Variants in ATP10B observed in about 807,000 individuals in gnomAD.
ATP10B encodes the protein phospholipid-transporting ATPase VB.
ATP10B carries 122 observed loss-of-function variants against 141.2 expected under a neutral mutation model. The observed-to-expected ratio is 0.86, with a 90% CI of 0.75 to 1.00. The LOEUF is 1.00. Among genes scored for constraint, ATP10B ranks in the 50% least tolerant of loss-of-function variants. ATP10B has a pLI of 0.00. For synonymous variants in ATP10B, 685 were observed against 692.0 expected (o/e 0.99, Z 0.16); for missense variants, 1,876 against 1,825.3 (o/e 1.03, Z -0.51).
the ATP10B span, among the ~76,000 whole-genome samples, chr5:160,871,387 A>G: frequency 2.0e-5 from 3 of 152,002 alleles, no homozygotes; most frequent in Non-Finnish European, 4.4e-5. Flanking sequence ...ATTTTTCCAT[A>G]GGTTATTGCC....
chr5:160,648,002 G>A (rs1467975301), intron 8 of ATP10B, among the ~76,000 whole-genome samples: 1 of 152,166 alleles, frequency 6.6e-6, no homozygotes, highest in South Asian at 2.1e-4. Flanking sequence ...GTGTAACATG[G>A]CTGAGCTCCG....
At chr5:160,783,421 T>G (rs1178323892) in intron 2 of ATP10B, among the ~76,000 whole-genome samples, 4 of 131,310 alleles carry the variant, frequency 3.0e-5, no homozygotes, top group African/African-American at 1.1e-4. Flanking sequence ...TCCATGGATA[T>G]ATCCATGGAT....
At chr5:160,613,569 A>G (rs1757843130) in intron 17 of ATP10B, among the ~76,000 whole-genome samples, 1 of 152,200 alleles carries the variant, frequency 6.6e-6, no homozygotes, top group South Asian at 2.1e-4. Context: ...ACTAAAAGCT[A>G]CTTAGGAGGC....
intron 3 of ATP10B, among the ~76,000 whole-genome samples, chr5:160,715,726 T>TTATTTATA (rs1391752933): frequency 4.0e-5 from 6 of 151,692 alleles, no homozygotes. Flanking sequence ...ATTTATTTAT[T>TTATTTATA]TTTGAGACAG....
chr5:160,602,513 G>A, intron 21 of ATP10B, 64 bp downstream of exon 21: 3 of 1,607,372 alleles, frequency 1.9e-6, no homozygotes, highest in Middle Eastern at 3.5e-4. Flanking sequence ...CTGCTAGGGA[G>A]AGATCTGGCC....
chr5:160,838,440 T>G (rs1223850455), intron 1 of ATP10B, among the ~76,000 whole-genome samples: 1 of 152,186 alleles, frequency 6.6e-6, no homozygotes, highest in Non-Finnish European at 1.5e-5. Flanking sequence ...CAAATCCCAT[T>G]CCACTTCTGT....
chr5:160,605,693 A>AT (rs1394388009), intron 19 of ATP10B, among the ~76,000 whole-genome samples: 1 of 152,246 alleles, frequency 6.6e-6, no homozygotes, highest in Non-Finnish European at 1.5e-5. Context: ...TCTATTTGAA[A>AT]TGTTAGGAAA....
the ATP10B span, among the ~76,000 whole-genome samples, chr5:160,881,536 G>A: frequency 5.3e-5 from 8 of 152,156 alleles, no homozygotes; most frequent in Admixed American, 6.5e-5. Flanking sequence ...ATTTCGGCCG[G>A]GCGTGGTGGC....
chr5:160,706,886 C>T (rs982790031), intron 3 of ATP10B, among the ~76,000 whole-genome samples: 1 of 152,062 alleles, frequency 6.6e-6, no homozygotes, highest in African/African-American at 2.4e-5. Flanking sequence ...ACACATAGGC[C>T]TCAGGGCACC....
intron 2 of ATP10B, among the ~76,000 whole-genome samples, chr5:160,721,601 A>C (rs1275379185): frequency 6.6e-6 from 1 of 152,200 alleles, no homozygotes; most frequent in African/African-American, 2.4e-5. Flanking sequence ...GAAAAGGCTA[A>C]GAGGATGGGG....
chr5:160,653,024 AT>A (rs1761003264), intron 7 of ATP10B, among the ~76,000 whole-genome samples: 1 of 105,178 alleles, frequency 9.5e-6, no homozygotes, highest in African/African-American at 3.6e-5. Context: ...TATATTATAT[AT>A]TTATATATTT....
At chr5:160,735,619 C>T (rs1767060056) in intron 2 of ATP10B, among the ~76,000 whole-genome samples, 1 of 152,052 alleles carries the variant, frequency 6.6e-6, no homozygotes, top group African/African-American at 2.4e-5. Context: ...AAAAATCAGA[C>T]TTAATTTGCA....
chr5:160,827,149 A>C lies in ATP10B; in HGVS notation c.-576+24792T>G, dbSNP rs963623953. 3.9e-5 allele frequency among the ~76,000 whole-genome samples: 6 copies of C among 152,304 alleles called. No individual in the cohort carries two copies. The East Asian group carries it at 1.2e-3, about 29-fold the overall frequency. ...TGCTGATTTTGCAGCTCAGGTGGGC[A>C]TCATGGTCCTACCAATATGTGATGT... On this transcript the variant is annotated intron_variant, in intron 1 of 25. Transcript: ENST00000327245.
chr5:160,618,030 T>G, intron 15 of ATP10B, 57 bp from the exon 16 acceptor site: 2 of 1,320,742 alleles, frequency 1.5e-6, no homozygotes, highest in Non-Finnish European at 2.2e-6. Flanking sequence ...GGGATCCCCA[T>G]CCCCAATACC....
chr5:160,575,354 A>G (rs1755126204), intron 24 of ATP10B, among the ~76,000 whole-genome samples: 1 of 152,036 alleles, frequency 6.6e-6, no homozygotes, highest in South Asian at 2.1e-4. Context: ...AATCTGGGCT[A>G]TTTCGTAGCC....
intron 1 of ATP10B, among the ~76,000 whole-genome samples, chr5:160,836,995 T>A (rs1775481035): frequency 6.6e-6 from 1 of 152,174 alleles, no homozygotes; most frequent in East Asian, 1.9e-4. Flanking sequence ...AAGGGTTTTG[T>A]ATTACGACAA....
intron 3 of ATP10B, among the ~76,000 whole-genome samples, chr5:160,694,333 C>A (rs946365644): frequency 1.3e-5 from 2 of 152,244 alleles, no homozygotes; most frequent in South Asian, 2.1e-4. Context: ...AGTTGTAAAG[C>A]CTTTGTCTCA....
At chr5:160,863,620 G>T in the ATP10B span, among the ~76,000 whole-genome samples, 1 of 151,688 alleles carries the variant, frequency 6.6e-6, no homozygotes, top group Non-Finnish European at 1.5e-5. Flanking sequence ...AGAACTAAAT[G>T]AAATTGAAAC....
chr5:160,592,883 T>C (rs573645137), intron 22 of ATP10B, among the ~76,000 whole-genome samples: 12 of 152,196 alleles, frequency 7.9e-5, no homozygotes, highest in Non-Finnish European at 1.3e-4. Flanking sequence ...CCATTGCCCA[T>C]GCTTGCTTAG....
Sources: allele counts gnomAD v4.1 joint callset (sites outside exome capture counted in the v4.1 genomes callset), GRCh38; gene constraint gnomAD v4.1.1; transcripts MANE v1.5; gene names NCBI Gene and HGNC (gene_info 2026-07-23, HGNC 2026-07-21).